The following PCDHGA5 variants were observed in gnomAD, a reference collection of about 807,000 sequenced individuals.
PCDHGA5 encodes protocadherin gamma-A5.
PCDHGA5 carries 36 observed loss-of-function variants against 56.7 expected under a neutral mutation model. The observed-to-expected ratio is 0.64, with a 90% confidence interval of 0.49 to 0.84. PCDHGA5 has a LOEUF of 0.84. Ranked by LOEUF, PCDHGA5 falls within the 40% of genes least tolerant of loss-of-function variation. The pLI is 0.00. For missense variants in PCDHGA5, 1,305 were observed against 1,201.5 expected (o/e 1.09, Z -1.27); for synonymous variants, 563 against 520.2 (o/e 1.08, Z -1.12).
intron 1 of PCDHGA5, chr5:141,478,265 G>A: frequency 6.2e-7 from 1 of 1,614,196 alleles, no homozygotes; most frequent in African/African-American, 1.3e-5. Context: ...CATATTCAAA[G>A]TTTACAAGTG....
At chr5:141,422,847 C>T (rs1271794821) in intron 1 of PCDHGA5, 2 of 1,614,116 alleles carry the variant, frequency 1.2e-6, no homozygotes, top group Non-Finnish European at 1.7e-6. Context: ...ACAGCGGGGA[C>T]CCGCCCCTCA....
At chr5:141,393,592 G>A (rs200863279) in intron 1 of PCDHGA5, 127 of 1,613,790 alleles carry the variant, frequency 7.9e-5, no homozygotes, top group Non-Finnish European at 1.0e-4. Context: ...CCAGGCACGC[G>A]GCTGCTTACT....
Position 141,485,261 on chromosome 5 carries a change from C to G in PCDHGA5, c.2422-9546C>G, listed in dbSNP as rs759268725. 1 of 1,614,076 alleles carries G rather than the reference C, an allele frequency of 6.2e-7. No homozygotes were observed. The highest frequency in any genetic ancestry group is 8.5e-7 in the Non-Finnish European group (1 of 1,179,904). On this transcript the variant is annotated intron_variant, in intron 1 of 3. Transcript: ENST00000518069. This position sits in a 1 kb window ranked among gnomAD's most constrained non-coding sequence, Gnocchi z 5.7. The stretch of plus-strand genomic sequence containing the variant: ...TTACCACCTGGGTTACGTTTGTGGG[C>G]AGATCCGCTACCCGGTCCCAGAGGA...
At chr5:141,383,749 A>G in intron 1 of PCDHGA5, 1 of 1,614,008 alleles carries the variant, frequency 6.2e-7, no homozygotes, top group South Asian at 1.1e-5. Context: ...TTTTCGGAAA[A>G]TAACTCCTAA....
rs914956962 is a variant in PCDHGA5, at chr5:141,420,736, A to G, written c.2421+53985A>G. Among the ~76,000 whole-genome samples, 4 of 152,370 alleles carry G rather than the reference A, an allele frequency of 2.6e-5. No individual in the cohort carries two copies. In the East Asian group the frequency reaches 7.7e-4, roughly 29 times the overall value. On this transcript the variant is annotated intron_variant, in intron 1 of 3. Coordinates refer to ENST00000518069, the MANE Select transcript of PCDHGA5 (RefSeq NM_018918.3). ...TCGTTCCTTTCAGTCGGTTAAAATC[A>G]ATTGGAACCAACTACAACCTACAAG...
At chr5:141,458,308 A>G (rs1363472724) in intron 1 of PCDHGA5, among the ~76,000 whole-genome samples, 1 of 152,196 alleles carries the variant, frequency 6.6e-6, no homozygotes, top group Non-Finnish European at 1.5e-5. Context: ...AGATAAAATG[A>G]CACAGACACA....
chr5:141,485,431 C>G lies in PCDHGA5; in HGVS notation c.2422-9376C>G, dbSNP rs1594481071. ...ATTTGGACAGCGGAGCCCTGCTCAT[C>G]AAGAACCCAATCGACCGAGAGGCAC... On this transcript the variant is annotated intron_variant, in intron 1 of 3. Coordinates refer to ENST00000518069, the MANE Select transcript of PCDHGA5 (RefSeq NM_018918.3). The surrounding 1 kb of genome is among the most constrained non-coding windows in gnomAD (Gnocchi z 5.7). 8.7e-6 allele frequency: 14 copies of G among 1,614,198 alleles called. No homozygotes were observed. Among genetic ancestry groups the G allele is most frequent in the Non-Finnish European group, 1.1e-5 (13 of 1,180,038 alleles).
intron 1 of PCDHGA5, chr5:141,385,162 C>T (rs750299709): frequency 6.2e-7 from 1 of 1,614,118 alleles, no homozygotes; most frequent in African/African-American, 1.3e-5. Context: ...GACCTATTCC[C>T]ATGAGGTCTC....
At position 141,491,725 on chromosome 5, in the gene PCDHGA5, G is replaced by A. The variant is rs1008933711; in HGVS notation, c.2422-3082G>A. The A allele has an allele frequency of 6.2e-7, 1 of 1,606,496 alleles. No homozygotes were observed. The highest frequency in any genetic ancestry group is 1.3e-5 in the African/African-American group (1 of 74,728). On this transcript the variant is annotated intron_variant, in intron 1 of 3. Coordinates refer to ENST00000518069, the MANE Select transcript of PCDHGA5 (RefSeq NM_018918.3). The surrounding 1 kb of genome is among the most constrained non-coding windows in gnomAD (Gnocchi z 6.9). ...GGTGAGGGGCTCGGCGCCGCCCCGGGCGACCCCTGGGGGCGGCACTGGAGA... is the reference window on the plus strand; with the variant it reads ...GGTGAGGGGCTCGGCGCCGCCCCGGACGACCCCTGGGGGCGGCACTGGAGA...
At chr5:141,420,462 G>T in intron 1 of PCDHGA5, 2 of 892,618 alleles carry the variant, frequency 2.2e-6, no homozygotes. Context: ...ACTATTCAAA[G>T]ACATTTTAAA....
At chr5:141,371,720 C>T in intron 1 of PCDHGA5, 1 of 1,614,070 alleles carries the variant, frequency 6.2e-7, no homozygotes, top group Non-Finnish European at 8.5e-7. Context: ...CTCTGCACAT[C>T]CTTGATGTCA....
chr5:141,481,475 C>T (rs1423011632), intron 1 of PCDHGA5, among the ~76,000 whole-genome samples: 1 of 152,200 alleles, frequency 6.6e-6, no homozygotes, highest in Non-Finnish European at 1.5e-5. Context: ...TTGGATTATA[C>T]ACTTTAAATA....
chr5:141,415,744 T>TG (rs2095925177), intron 1 of PCDHGA5: 4 of 404,428 alleles, frequency 9.9e-6, no homozygotes, highest in Admixed American at 2.1e-4. Flanking sequence ...ATTAAGGTTT[T>TG]TTTTTTTTTT....
chr5:141,485,446 C>A lies in PCDHGA5; in HGVS notation c.2422-9361C>A. On this transcript the variant is annotated intron_variant, in intron 1 of 3. Transcript: ENST00000518069. This position sits in a 1 kb window ranked among gnomAD's most constrained non-coding sequence, Gnocchi z 5.7. ...CCCTGCTCATCAAGAACCCAATCGA[C>A]CGAGAGGCACTGTGTGGGCTCAGTG... is the stretch of plus-strand genomic sequence containing the variant. 6.2e-7 allele frequency: 1 copy of A among 1,614,156 alleles called. No individual in the cohort carries two copies. The highest frequency in any genetic ancestry group is 8.5e-7 in the Non-Finnish European group (1 of 1,180,018).
chr5:141,404,325 C>G (rs762306578), intron 1 of PCDHGA5: 7 of 1,613,876 alleles, frequency 4.3e-6, no homozygotes, highest in Non-Finnish European at 5.9e-6. Flanking sequence ...GCCTCCTACT[C>G]AGTCTACCTC....
At position 141,485,120 on chromosome 5, in the gene PCDHGA5, G is replaced by A. The variant is rs2099607447; in HGVS notation, c.2422-9687G>A. On this transcript the variant is annotated intron_variant, in intron 1 of 3. Coordinates refer to ENST00000518069, the MANE Select transcript of PCDHGA5 (RefSeq NM_018918.3). The surrounding 1 kb of genome is among the most constrained non-coding windows in gnomAD (Gnocchi z 5.7). ...TCCAGCTGCTGTGGCTGTTTGGGGC[G>A]GGTCGGCTTCATCCGCGTCTCAGGA... The A allele has an allele frequency of 1.5e-6, 2 of 1,348,050 alleles. No homozygotes were observed. Among genetic ancestry groups the A allele is most frequent in the Non-Finnish European group, 2.1e-6 (2 of 952,710 alleles). 83.5% of individuals were successfully genotyped at this position (1,348,050 alleles called of 1,614,324 possible).
intron 1 of PCDHGA5, chr5:141,403,482 A>G (rs764737675): frequency 5.0e-6 from 8 of 1,613,774 alleles, no homozygotes; most frequent in Non-Finnish European, 6.8e-6. Context: ...CCCAATCACC[A>G]CTTCTCCCTG....
In PCDHGA5 at chr5:141,364,754, G is replaced by C; in HGVS notation, c.424G>C (p.Val142Leu). 1 of 1,613,988 alleles carries C rather than the reference G, an allele frequency of 6.2e-7. No individual in the cohort carries two copies. The highest frequency in any genetic ancestry group is 8.5e-7 in the Non-Finnish European group (1 of 1,179,900). Reference protein sequence around the residue: ...RFRDEELKVKVNENAAAGTRL... With the variant: ...RFRDEELKVKLNENAAAGTRL... Reference sequence around the variant, plus strand: ...CCGGGATGAAGAGTTAAAAGTAAAAGTTAATGAAAATGCGGCTGCAGGGAC... The same window carrying C: ...CCGGGATGAAGAGTTAAAAGTAAAACTTAATGAAAATGCGGCTGCAGGGAC... The change falls in exon 1 of 4, where the codon GTT becomes CTT. Residue 142 changes from valine (V) to leucine (L), a missense_variant. Coordinates refer to ENST00000518069, the MANE Select transcript of PCDHGA5 (RefSeq NM_018918.3).
chr5:141,382,072 G>T (rs901840757), intron 1 of PCDHGA5, among the ~76,000 whole-genome samples: 2 of 151,786 alleles, frequency 1.3e-5, no homozygotes, highest in Non-Finnish European at 2.9e-5. Context: ...CAGGTGATCC[G>T]CCCGCCTCGG....
Sources: allele counts gnomAD v4.1 joint callset (sites outside exome capture counted in the v4.1 genomes callset), GRCh38; gene constraint gnomAD v4.1.1; non-coding constraint Gnocchi (gnomAD v3.1); transcripts MANE v1.5; gene names NCBI Gene and HGNC (gene_info 2026-07-23, HGNC 2026-07-21).